The following VPS52 variants were observed in gnomAD, a reference collection of about 807,000 sequenced individuals.
The protein encoded by VPS52 is vacuolar protein sorting-associated protein 52 homolog.
A neutral mutation model predicts 98.7 loss-of-function variants in VPS52; 56 were observed. The ratio of observed to expected loss-of-function variants is 0.57; its 90% CI spans 0.46 to 0.71. The LOEUF (loss-of-function observed/expected upper bound fraction) is 0.71. VPS52 is among the 30% of genes least tolerant of loss of function. VPS52 has a pLI of 0.00. For missense variants in VPS52, 742 were observed against 925.9 expected (o/e 0.80, Z 2.58); for synonymous variants, 348 against 346.4 (o/e 1.00, Z -0.05).
chr6:33,252,353 C>G (rs1354582446), intron 17 of VPS52, among the ~76,000 whole-genome samples: 1 of 152,168 alleles, frequency 6.6e-6, no homozygotes, highest in African/African-American at 2.4e-5. Context: ...CTTTGGGAGG[C>G]TGAGGTGGGC....
Position 33,251,563 on chromosome 6 carries a change from T to C in VPS52, c.1980A>G (p.Val660=), listed in dbSNP as rs772986560. 1.2e-6 allele frequency: 2 copies of C among 1,613,968 alleles called. No individual in the cohort carries two copies. Among genetic ancestry groups the C allele is most frequent in the East Asian group, 2.2e-5 (1 of 44,868 alleles). The part of the protein sequence containing the change: ...KSSVESLSQD[V]MRSFTNFRNG... ...TTCTGAAGTTGGTGAAACTCCGCAT[T>C]ACATCCTGACTCAGAGATTCCACTG... Residue 660 remains valine (V), a synonymous_variant, in exon 19 of 20, where the codon GTA becomes GTG. Transcript: ENST00000445902.
chr6:33,269,328 A>G, intron 5 of VPS52, 139 bp from the exon 6 acceptor site: 1 of 1,401,976 alleles, frequency 7.1e-7, no homozygotes, highest in Non-Finnish European at 9.9e-7. Context: ...ATTATCAGGA[A>G]ATAACATTAA....
intron 19 of VPS52, among the ~76,000 whole-genome samples, chr6:33,251,234 T>A (rs561140009): frequency 7.7e-4 from 117 of 151,572 alleles, no homozygotes; most frequent in African/African-American, 2.5e-3. Flanking sequence ...CCCAGCTACT[T>A]GGGAGGCTGA....
rs747643125 is a variant in VPS52, at chr6:33,269,712, T to C, written c.304+32A>G. ...ACACGCCACAAAATCCCCATGTCAA[T>C]AGCACCACCCCTTCCCTCTGCTGGA... On this transcript the variant is annotated intron_variant, in intron 4 of 19. Transcript: ENST00000445902. 5 of 1,606,908 alleles carry C rather than the reference T, an allele frequency of 3.1e-6. No homozygotes were observed. The Admixed American group carries it at 5.0e-5, about 16-fold the overall frequency.
At chr6:33,263,463 C>G (rs369162663) in intron 17 of VPS52, 21 bp downstream of exon 17, 53 of 1,610,484 alleles carry the variant, frequency 3.3e-5, no homozygotes, top group African/African-American at 4.1e-5. Flanking sequence ...GCTGTCTCTT[C>G]CCTTTTCCCC....
intron 12 of VPS52, among the ~76,000 whole-genome samples, chr6:33,265,443 T>C (rs934985935): frequency 2.0e-5 from 3 of 152,212 alleles, no homozygotes; most frequent in Non-Finnish European, 4.4e-5. Context: ...CATAGTTCAC[T>C]GCAGCCTCAA....
At chr6:33,258,851 C>T (rs1763308986) in intron 17 of VPS52, among the ~76,000 whole-genome samples, 2 of 152,086 alleles carry the variant, frequency 1.3e-5, no homozygotes, top group African/African-American at 2.4e-5. Flanking sequence ...TACAGGTGTA[C>T]ACCCTGCCCA....
chr6:33,257,851 AC>A (rs1763178378), intron 17 of VPS52, among the ~76,000 whole-genome samples: 1 of 152,080 alleles, frequency 6.6e-6, no homozygotes, highest in East Asian at 1.9e-4. Context: ...CTACAAAACA[AC>A]AACAACAACA....
Position 33,263,765 on chromosome 6 carries a change from C to A in VPS52, c.1728+7G>T, listed in dbSNP as rs1313140918. ...GTAGGAAGGCAAGGAGAAGGAGCACCTATTACCATCAGCACACCCAGCATC... is the reference window on the plus strand; with the variant it reads ...GTAGGAAGGCAAGGAGAAGGAGCACATATTACCATCAGCACACCCAGCATC... On this transcript the variant is annotated splice_region_variant and intron_variant, in intron 16 of 19. Transcript: ENST00000445902. The A allele has an allele frequency of 6.2e-7, 1 of 1,614,178 alleles. No homozygotes were observed. The highest frequency in any genetic ancestry group is 8.5e-7 in the Non-Finnish European group (1 of 1,179,994).
rs768600965 is a variant in VPS52, at chr6:33,268,124, C to T, written c.784G>A (p.Ala262Thr). 1 of 1,613,028 alleles carries T rather than the reference C, an allele frequency of 6.2e-7. No homozygotes were observed. Residue 262 changes from alanine (A) to threonine (T), a missense_variant, in exon 8 of 20, where the codon GCC (alanine) becomes ACC (threonine). By Grantham distance (58) the Ala-to-Thr change is moderately conservative. Transcript: ENST00000445902. This position sits in a 1 kb window ranked among gnomAD's most constrained non-coding sequence, Gnocchi z 4.0. The stretch of plus-strand genomic sequence containing the variant: ...GGTTGTGACCTGTACTTCAGCAGGG[C>T]CGTCTGGGGGATCTGATAGTTGGTC... ...PMTNYQIPQT[A>T]LLKYRFFYQF...
rs1482239617 is a variant in VPS52 at position 33,268,640 on chromosome 6, C to T, written c.558G>A (p.Leu186=). ...VVPSALVTAI[L]EAPVTEPRFL... is the part of the protein sequence containing the mutation. Reference sequence around the variant, plus strand: ...ACCTGGGCTCTGTCACTGGAGCCTCCAGAATTGCCCTGGTTAGCAGGGAGG... The same window carrying T: ...ACCTGGGCTCTGTCACTGGAGCCTCTAGAATTGCCCTGGTTAGCAGGGAGG... Residue 186 remains leucine, a synonymous_variant, in exon 7 of 20, where the codon CTG becomes CTA. Coordinates refer to ENST00000445902, the MANE Select transcript of VPS52 (RefSeq NM_022553.6). The surrounding 1 kb of genome is among the most constrained non-coding windows in gnomAD (Gnocchi z 4.0). 1 of 1,603,342 alleles carries T rather than the reference C, an allele frequency of 6.2e-7. No homozygotes were observed.
In VPS52 at chr6:33,251,966, G is replaced by T. The variant is rs1762311228; in HGVS notation, c.1800C>A (p.Phe600Leu). 3 of 1,612,814 alleles carry T rather than the reference G, an allele frequency of 1.9e-6. No individual in the cohort carries two copies. The highest frequency in any genetic ancestry group is 2.5e-6 in the Non-Finnish European group (3 of 1,179,912). The change falls in exon 18 of 20, where the codon TTC (phenylalanine) becomes TTA (leucine). Residue 600 changes from phenylalanine (F) to leucine (L), a missense_variant. Coordinates refer to ENST00000445902, the MANE Select transcript of VPS52 (RefSeq NM_022553.6). Reference sequence around the variant, plus strand: ...AAGGGGGAGACAGCAACTCTTCAATGAATTCCTGGAAAGACACAAACACAT... The same window carrying T: ...AAGGGGGAGACAGCAACTCTTCAATTAATTCCTGGAAAGACACAAACACAT... ...QQLLNARTQE[F>L]IEELLSPPFG...
At position 33,251,657 on chromosome 6, in the gene VPS52, T is replaced by G. The variant is rs200485536; in HGVS notation, c.1907-21A>C. ...CCGGGCTAATAGCAGGAGGAAACAG[T>G]GTCAGAGAGGGATCTGGCTGATCTT... On this transcript the variant is annotated intron_variant, in intron 18 of 19. Coordinates refer to ENST00000445902, the MANE Select transcript of VPS52 (RefSeq NM_022553.6). 5.2e-5 allele frequency: 82 copies of G among 1,586,530 alleles called. 1 individual carries two copies. In the Admixed American group the frequency reaches 1.1e-3, roughly 22 times the overall value.
chr6:33,252,045 A>C lies in VPS52; in HGVS notation c.1795-74T>G, dbSNP rs1160824404. On this transcript the variant is annotated intron_variant, in intron 17 of 19. Coordinates refer to ENST00000445902, the MANE Select transcript of VPS52 (RefSeq NM_022553.6). ...TTGCCCAATTCTGGCATCATGACTA[A>C]TGTAGATCCATCTGAATGGCATCTT... 7.5e-6 allele frequency: 9 copies of C among 1,196,506 alleles called. No homozygotes were observed. The African/African-American group carries it at 1.4e-4, about 18-fold the overall frequency. 74.1% of individuals were successfully genotyped at this position (1,196,506 alleles called of 1,614,324 possible). A position where few individuals can be genotyped will look rare whatever the true frequency, so the allele number is the denominator to read the frequency against.
intron 17 of VPS52, among the ~76,000 whole-genome samples, chr6:33,261,461 C>T (rs942224589): frequency 1.3e-5 from 2 of 149,516 alleles, no homozygotes; most frequent in African/African-American, 4.9e-5. Flanking sequence ...AGCAAGACTC[C>T]GTCTGAAAAA....
At chr6:33,259,179 C>T (rs944465611) in intron 17 of VPS52, among the ~76,000 whole-genome samples, 8 of 152,206 alleles carry the variant, frequency 5.3e-5, no homozygotes, top group African/African-American at 1.9e-4. Flanking sequence ...CTTGAGTCAA[C>T]ACCACTACGG....
rs755588684 is a variant in VPS52 at position 33,269,750 on chromosome 6, G to C, written c.298C>G (p.Arg100Gly). The C allele has an allele frequency of 1.2e-6, 2 of 1,613,596 alleles. No individual in the cohort carries two copies. The highest frequency in any genetic ancestry group is 1.7e-6 in the Non-Finnish European group (2 of 1,179,882). The change falls in exon 4 of 20, where the codon CGG (arginine) becomes GGG (glycine). Residue 100 changes from arginine to glycine, a missense_variant. By Grantham distance (125) the Arg-to-Gly change is moderately radical. This residue lies in a region of VPS52 where 152 missense variants were observed against 132.6 expected (regional missense o/e 1.15). Coordinates refer to ENST00000445902, the MANE Select transcript of VPS52 (RefSeq NM_022553.6). The part of the protein sequence containing the change: ...ELQQIEQKSI[R>G]DYIQESENIA... ...TCCCTCTGCTGGAGGATACAATCCC[G>C]AATGGATTTCTGTTCAATCTGCTGT...
chr6:33,265,149 T>C (rs1764150961), intron 12 of VPS52, among the ~76,000 whole-genome samples: 1 of 152,148 alleles, frequency 6.6e-6, no homozygotes, highest in African/African-American at 2.4e-5. Context: ...CTCGGCTCAC[T>C]GCAACCTCCG....
At chr6:33,257,678 C>G (rs1051527355) in intron 17 of VPS52, among the ~76,000 whole-genome samples, 1 of 152,162 alleles carries the variant, frequency 6.6e-6, no homozygotes, top group Non-Finnish European at 1.5e-5. Flanking sequence ...GGATTACAGG[C>G]GTGAGCCACC....
Sources: allele counts gnomAD v4.1 joint callset (sites outside exome capture counted in the v4.1 genomes callset), GRCh38; gene constraint gnomAD v4.1.1; regional missense constraint gnomAD v4.1.1; non-coding constraint Gnocchi (gnomAD v3.1); transcripts MANE v1.5; gene names NCBI Gene and HGNC (gene_info 2026-07-23, HGNC 2026-07-21).